PLCG2: variants seen among roughly 807,000 people sequenced by gnomAD.
PLCG2 encodes the protein 1-phosphatidylinositol 4,5-bisphosphate phosphodiesterase gamma-2.
A neutral mutation model predicts 175.6 loss-of-function variants in PLCG2; 69 were observed. The ratio of observed to expected loss-of-function variants is 0.39; its 90% confidence interval spans 0.32 to 0.48. The LOEUF (loss-of-function observed/expected upper bound fraction) is 0.48, where lower values mean the gene tolerates loss of function less well. Ranked by LOEUF, PLCG2 falls within the 20% of genes least tolerant of loss-of-function variation. The pLI, the probability that PLCG2 is intolerant of heterozygous loss-of-function variation, is 0.91. For synonymous variants in PLCG2, 827 were observed against 624.0 expected, an observed-to-expected ratio of 1.33 and a Z score of -4.85; for missense variants, 1,798 against 1,650.9, an observed-to-expected ratio of 1.09 and a Z score of -1.54.
At chr16:81,949,237 G>T (rs183046229) in intron 31 of PLCG2, among the ~76,000 whole-genome samples, 1 of 152,174 alleles carries the variant, frequency 6.6e-6, no homozygotes, top group Non-Finnish European at 1.5e-5. Context: ...ATGAAATAGC[G>T]AATAAAGGAA....
At chr16:81,956,946 C>G in intron 32 of PLCG2, 67 bp downstream of exon 32, 2 of 1,362,956 alleles carry the variant, frequency 1.5e-6, no homozygotes, top group Non-Finnish European at 2.1e-6. Flanking sequence ...ATGGGCACCA[C>G]GGGCCAGGCT....
chr16:81,819,363 G>A (rs117260449), intron 2 of PLCG2, among the ~76,000 whole-genome samples: 1 of 152,212 alleles, frequency 6.6e-6, no homozygotes, highest in Admixed American at 6.5e-5. Context: ...GCTTCATCTG[G>A]TACCAACCCT....
intron 2 of PLCG2, among the ~76,000 whole-genome samples, chr16:81,828,373 G>C (rs1259465193): frequency 6.7e-6 from 1 of 149,330 alleles, no homozygotes. Flanking sequence ...AGCCTCCTGG[G>C]ACTACAGGTG....
At chr16:81,944,471 AATT>A (rs1461829999) in intron 30 of PLCG2, among the ~76,000 whole-genome samples, 1 of 152,050 alleles carries the variant, frequency 6.6e-6, no homozygotes, top group Non-Finnish European at 1.5e-5. Flanking sequence ...CCACTGAATT[AATT>A]ATTTAGAGAC....
At chr16:81,748,040 A>G (rs74669674) in intron 1 of PLCG2, among the ~76,000 whole-genome samples, 5,011 of 152,146 alleles carry the variant, frequency 0.033, 190 homozygotes, top group East Asian at 0.15. Context: ...ACACTCAGCT[A>G]ATTTTTGTAT....
In PLCG2 at chr16:81,859,135, T is replaced by C. The variant is rs1906834031; in HGVS notation, c.451T>C (p.Tyr151His). 6.3e-7 allele frequency: 1 copy of C among 1,597,438 alleles called. No homozygotes were observed. Among genetic ancestry groups the C allele is most frequent in the Non-Finnish European group, 8.6e-7 (1 of 1,164,796 alleles). ...TTCCAGTTGGCTGAGAAAGCAGATA[T>C]ATTCTGTGGATCAAACCAGAAGAAA... Reference protein sequence around the residue: ...IIESWLRKQIYSVDQTRRNSI... With the variant: ...IIESWLRKQIHSVDQTRRNSI... Residue 151 changes from tyrosine to histidine, a missense_variant, in exon 5 of 33, where the codon TAT (tyrosine) becomes CAT (histidine). Coordinates refer to ENST00000564138, the MANE Select transcript of PLCG2 (RefSeq NM_002661.5).
At chr16:81,757,596 A>AGCT (rs1909955582) in intron 2 of PLCG2, among the ~76,000 whole-genome samples, 1 of 152,130 alleles carries the variant, frequency 6.6e-6, no homozygotes, top group South Asian at 2.1e-4. Context: ...AAAGAAAAAA[A>AGCT]GCTGTTGTTT....
chr16:81,878,935 A>G (rs1381191007), intron 7 of PLCG2, among the ~76,000 whole-genome samples: 10 of 152,062 alleles, frequency 6.6e-5, no homozygotes, highest in African/African-American at 2.4e-4. Flanking sequence ...GCCTGTGCCA[A>G]TGAGCTTCCG....
At position 81,936,068 on chromosome 16, in the gene PLCG2, G is replaced by C. The variant is rs113678037; in HGVS notation, c.2843-101G>C. ...TTGAATGTCAAAGAGGGAGATTCCT[G>C]GTTTCCTTTTATAATCTGAGCATCC... On this transcript the variant is annotated intron_variant, in intron 26 of 32. Transcript: ENST00000564138. 389 of 1,505,998 alleles carry C rather than the reference G, an allele frequency of 2.6e-4. 1 individual carries two copies. In the Middle Eastern group the frequency reaches 7.4e-3, roughly 29 times the overall value. 93.3% of individuals were successfully genotyped at this position (1,505,998 alleles called of 1,614,324 possible).
chr16:81,791,800 C>G (rs763474173), intron 2 of PLCG2, among the ~76,000 whole-genome samples: 1 of 152,098 alleles, frequency 6.6e-6, no homozygotes, highest in Admixed American at 6.5e-5. Context: ...CCTGACCTCT[C>G]GTGATCTGCC....
chr16:81,941,948 A>T (rs188233167), intron 30 of PLCG2, among the ~76,000 whole-genome samples: 114 of 152,310 alleles, frequency 7.5e-4, no homozygotes, highest in Non-Finnish European at 1.2e-3. Flanking sequence ...TAAACCCGGC[A>T]CTGATCAGGG....
At chr16:81,867,210 C>T (rs1907285795) in intron 5 of PLCG2, among the ~76,000 whole-genome samples, 1 of 152,220 alleles carries the variant, frequency 6.6e-6, no homozygotes, top group Non-Finnish European at 1.5e-5. Flanking sequence ...TTCCGCATGC[C>T]ACAGCAGAAG....
At chr16:81,939,545 T>C (rs1234345406) in intron 29 of PLCG2, among the ~76,000 whole-genome samples, 1 of 152,206 alleles carries the variant, frequency 6.6e-6, no homozygotes, top group African/African-American at 2.4e-5. Context: ...TGCTGGTGGA[T>C]GTGGCTCCCA....
chr16:81,894,207 T>C (rs992611513), intron 12 of PLCG2, among the ~76,000 whole-genome samples: 8 of 151,836 alleles, frequency 5.3e-5, no homozygotes, highest in African/African-American at 1.7e-4. Context: ...AGTGGGAGGA[T>C]TGTATGAGGC....
At chr16:81,873,047 A>C (rs1463517649) in intron 7 of PLCG2, among the ~76,000 whole-genome samples, 1 of 152,194 alleles carries the variant, frequency 6.6e-6, no homozygotes, top group Admixed American at 6.5e-5. Flanking sequence ...CTTAGAGTGG[A>C]TCATTGAATT....
chr16:81,807,532 G>C (rs1320700984), intron 2 of PLCG2, among the ~76,000 whole-genome samples: 1 of 152,208 alleles, frequency 6.6e-6, no homozygotes, highest in Non-Finnish European at 1.5e-5. Context: ...CATTTATGTA[G>C]TATATGTTTA....
intron 30 of PLCG2, among the ~76,000 whole-genome samples, chr16:81,944,765 C>T (rs367943688): frequency 1.6e-4 from 24 of 152,266 alleles, no homozygotes; most frequent in Middle Eastern, 6.8e-3. Flanking sequence ...CATGAGCCAC[C>T]GTACTTGGCC....
chr16:81,881,355 A>T (rs1384169259), intron 8 of PLCG2, among the ~76,000 whole-genome samples: 3 of 152,232 alleles, frequency 2.0e-5, no homozygotes, highest in African/African-American at 7.2e-5. Context: ...AAACTGCTTC[A>T]CATGATGCTT....
chr16:81,929,653 C>T (rs939172850), intron 24 of PLCG2, among the ~76,000 whole-genome samples: 2 of 152,252 alleles, frequency 1.3e-5, no homozygotes, highest in Middle Eastern at 3.2e-3. Context: ...GCCTTAGCCT[C>T]CCAAAGTGCT....
Sources: allele counts gnomAD v4.1 joint callset (sites outside exome capture counted in the v4.1 genomes callset), GRCh38; gene constraint gnomAD v4.1.1; transcripts MANE v1.5; gene names NCBI Gene and HGNC (gene_info 2026-07-23, HGNC 2026-07-21).